SAMD8: variants seen among roughly 807,000 people sequenced by gnomAD.
SAMD8 encodes sterile alpha motif domain containing 8.
SAMD8 carries 20 observed loss-of-function variants against 42.0 expected under a neutral mutation model. The ratio of observed to expected loss-of-function variants is 0.48; its 90% CI spans 0.34 to 0.69. The LOEUF (loss-of-function observed/expected upper bound fraction) is 0.69. Ranked by LOEUF, SAMD8 falls within the 30% of genes least tolerant of loss-of-function variation. The pLI is 0.01. For missense variants in SAMD8, 328 were observed against 511.6 expected, an observed-to-expected ratio of 0.64 and a Z score of 3.46; for synonymous variants, 162 against 173.0, an observed-to-expected ratio of 0.94 and a Z score of 0.50.
intron 3 of SAMD8, among the ~76,000 whole-genome samples, chr10:75,165,934 CCACTG>C (rs1840664674): frequency 6.7e-6 from 1 of 149,518 alleles, no homozygotes; most frequent in South Asian, 2.1e-4. Flanking sequence ...TGTGATTGTG[CCACTG>C]CACTCCAGCG....
chr10:75,136,174 A>G (rs188198400), intron 1 of SAMD8, among the ~76,000 whole-genome samples: 12 of 151,240 alleles, frequency 7.9e-5, no homozygotes, highest in Admixed American at 2.0e-4. Flanking sequence ...TGTTCTTACT[A>G]CTGTTGAACC....
chr10:75,111,887 C>A, intron 1 of SAMD8, 165 bp downstream of exon 1: 1 of 880,978 alleles, frequency 1.1e-6, no homozygotes. Context: ...GGAATGGAAT[C>A]TGAAGCAAAT....
chr10:75,151,869 A>G (rs1840296042), intron 2 of SAMD8, among the ~76,000 whole-genome samples: 1 of 151,968 alleles, frequency 6.6e-6, no homozygotes, highest in Admixed American at 6.6e-5. Flanking sequence ...TTGTATTTTT[A>G]GTAGAGATGG....
chr10:75,117,818 T>C (rs1321129227), intron 1 of SAMD8, among the ~76,000 whole-genome samples: 1 of 152,256 alleles, frequency 6.6e-6, no homozygotes, highest in African/African-American at 2.4e-5. Flanking sequence ...GCTTCTTTAC[T>C]GGTTTGCTGT....
chr10:75,133,278 C>T (rs1849314712), intron 1 of SAMD8, among the ~76,000 whole-genome samples: 1 of 152,052 alleles, frequency 6.6e-6, no homozygotes, highest in Non-Finnish European at 1.5e-5. Flanking sequence ...TGGTGCGTGC[C>T]TATAGCCCCA....
chr10:75,122,660 G>A (rs1849031441), intron 1 of SAMD8, among the ~76,000 whole-genome samples: 1 of 151,246 alleles, frequency 6.6e-6, no homozygotes, highest in Middle Eastern at 3.4e-3. Flanking sequence ...GCTCTCTCCT[G>A]TAAACCCAGC....
upstream of SAMD8, chr10:75,109,300 C>G (rs965368243): frequency 3.3e-6 from 3 of 898,862 alleles, no homozygotes; most frequent in African/African-American, 5.2e-5. Flanking sequence ...GTGGACAAGA[C>G]CTTTTCCTCC....
chr10:75,105,354 C>A (rs989404665), intron 1 of SAMD8, among the ~76,000 whole-genome samples: 1 of 152,190 alleles, frequency 6.6e-6, no homozygotes, highest in Non-Finnish European at 1.5e-5. Flanking sequence ...CCATTTTATG[C>A]TTTCCACACC....
At chr10:75,121,599 G>A (rs564579919) in intron 1 of SAMD8, among the ~76,000 whole-genome samples, 129 of 152,294 alleles carry the variant, frequency 8.5e-4, no homozygotes, top group South Asian at 7.9e-3. Context: ...GATCTTTTCT[G>A]GGACTTCCTG....
At chr10:75,116,145 G>T (rs747463874) in intron 1 of SAMD8, among the ~76,000 whole-genome samples, 3 of 151,880 alleles carry the variant, frequency 2.0e-5, no homozygotes, top group Non-Finnish European at 4.4e-5. Context: ...TGTCTCCCAG[G>T]CTGGAATACA....
chr10:75,174,820 C>T (rs202245335), intron 4 of SAMD8, among the ~76,000 whole-genome samples: 326 of 100,378 alleles, frequency 3.2e-3, no homozygotes, highest in African/African-American at 0.013. Context: ...CTTTTTTAGG[C>T]GTATGTGTGG....
chr10:75,103,223 C>G (rs1848286771), intron 1 of SAMD8, among the ~76,000 whole-genome samples: 1 of 152,248 alleles, frequency 6.6e-6, no homozygotes, highest in Non-Finnish European at 1.5e-5. Context: ...CACATGTAAA[C>G]TGGTGGCATT....
chr10:75,139,624 TATAAC>T (rs1428508333), intron 1 of SAMD8, among the ~76,000 whole-genome samples: 5 of 152,228 alleles, frequency 3.3e-5, no homozygotes, highest in Non-Finnish European at 7.3e-5. Context: ...GTGAGAGAAA[TATAAC>T]AAATTATAAG....
intron 2 of SAMD8, among the ~76,000 whole-genome samples, chr10:75,158,454 T>C (rs1302188766): frequency 1.3e-5 from 2 of 151,942 alleles, no homozygotes; most frequent in South Asian, 2.1e-4. Context: ...TAGCCGGGCG[T>C]GGTGGCATGC....
intron 2 of SAMD8, among the ~76,000 whole-genome samples, chr10:75,160,204 T>A (rs1341813044): frequency 2.0e-5 from 3 of 149,222 alleles, no homozygotes; most frequent in Admixed American, 6.7e-5. Context: ...GAAAATTAAA[T>A]TTTTTTTTTT....
chr10:75,168,481 C>A, intron 3 of SAMD8, 60 bp from the exon 4 acceptor site: 1 of 1,590,880 alleles, frequency 6.3e-7, no homozygotes, highest in Non-Finnish European at 8.6e-7. Flanking sequence ...TATTTGATGC[C>A]TGGGGTTTTT....
At chr10:75,170,630 A>G (rs1380020402) in intron 4 of SAMD8, among the ~76,000 whole-genome samples, 1 of 151,722 alleles carries the variant, frequency 6.6e-6, no homozygotes, top group Non-Finnish European at 1.5e-5. Context: ...TTCAAATTAT[A>G]TAGAAATGTA....
intron 1 of SAMD8, among the ~76,000 whole-genome samples, chr10:75,136,130 C>T (rs1169531572): frequency 6.7e-6 from 1 of 149,956 alleles, no homozygotes; most frequent in Non-Finnish European, 1.5e-5. Context: ...TTTTCTTTTT[C>T]TTTAATTTGT....
At chr10:75,156,869 G>A (rs1032335898) in intron 2 of SAMD8, among the ~76,000 whole-genome samples, 1 of 152,070 alleles carries the variant, frequency 6.6e-6, no homozygotes, top group Admixed American at 6.6e-5. Flanking sequence ...GGACATTTTT[G>A]GGACAATTAG....
Sources: gnomAD v4.1 joint callset for allele counts (sites outside exome capture counted in the v4.1 genomes callset) on GRCh38, gnomAD v4.1.1 for gene constraint, MANE v1.5 for transcripts, NCBI Gene and HGNC (gene_info 2026-07-23, HGNC 2026-07-21) for gene names.